PLPPR4: variants seen among roughly 807,000 people sequenced by gnomAD.
PLPPR4 encodes the protein phospholipid phosphatase related 4, also known as phospholipid phosphatase-related protein type 4.
A neutral mutation model predicts 56.6 loss-of-function variants in PLPPR4; 24 were observed. The observed-to-expected ratio is 0.42, with a 90% confidence interval of 0.31 to 0.60. The LOEUF (loss-of-function observed/expected upper bound fraction) is 0.60, where lower values mean the gene tolerates loss of function less well. Ranked by LOEUF, PLPPR4 falls within the 20% of genes least tolerant of loss-of-function variation. The pLI, the probability that PLPPR4 is intolerant of heterozygous loss-of-function variation, is 0.13. For missense variants in PLPPR4, 654 were observed against 885.8 expected, an observed-to-expected ratio of 0.74 and a Z score of 3.32; for synonymous variants, 326 against 328.1, an observed-to-expected ratio of 0.99 and a Z score of 0.07.
chr1:99,281,188 C>G (rs1659314529), intron 1 of PLPPR4, among the ~76,000 whole-genome samples: 1 of 152,106 alleles, frequency 6.6e-6, no homozygotes, highest in South Asian at 2.1e-4. Context: ...ACAAATGAAG[C>G]CCAGAAAGGT....
intron 1 of PLPPR4, among the ~76,000 whole-genome samples, 165 bp downstream of exon 1, chr1:99,264,836 G>C (rs1658850384): frequency 6.6e-6 from 1 of 152,104 alleles, no homozygotes; most frequent in South Asian, 2.1e-4. Context: ...GCAGCTCCCC[G>C]AATGTGCCTG....
At chr1:99,277,369 C>T (rs953074477) in intron 1 of PLPPR4, among the ~76,000 whole-genome samples, 2 of 152,184 alleles carry the variant, frequency 1.3e-5, no homozygotes, top group Non-Finnish European at 2.9e-5. Context: ...GTTTGCTAAA[C>T]TTTAATGTTT....
chr1:99,287,801 G>A (rs918074331), intron 1 of PLPPR4, among the ~76,000 whole-genome samples, 164 bp from the exon 2 acceptor site: 5 of 152,130 alleles, frequency 3.3e-5, no homozygotes. Context: ...TAAGGGGGGT[G>A]AATTGGAATC....
At chr1:99,291,095 C>CAA (rs200903167) in intron 2 of PLPPR4, among the ~76,000 whole-genome samples, 2 of 136,634 alleles carry the variant, frequency 1.5e-5, no homozygotes, top group Non-Finnish European at 3.2e-5. Context: ...ACAAATTTAC[C>CAA]AAAAAAAAAA....
intron 1 of PLPPR4, among the ~76,000 whole-genome samples, chr1:99,279,784 T>G (rs78739384): frequency 0.027 from 4,130 of 152,302 alleles, 149 homozygotes; most frequent in East Asian, 0.17. Context: ...GCTATTTTAC[T>G]TATCTGGGGC....
chr1:99,268,959 G>GCA (rs1658979236), intron 1 of PLPPR4, among the ~76,000 whole-genome samples: 1 of 152,110 alleles, frequency 6.6e-6, no homozygotes, highest in East Asian at 1.9e-4. Flanking sequence ...TAAGTTCTGG[G>GCA]GTACATGTGC....
In PLPPR4 at chr1:99,299,186, A is replaced by C; in HGVS notation, c.546A>C (p.Glu182Asp). Residue 182 changes from glutamate (E) to aspartate (D), a missense_variant, in exon 4 of 7, where the codon GAA becomes GAC. This residue lies in a region of PLPPR4 where 186 missense variants were observed against 331.4 expected (regional missense o/e 0.56). Coordinates refer to ENST00000370185, the MANE Select transcript of PLPPR4 (RefSeq NM_014839.5). Reference protein sequence around the residue: ...VSCKENSYIVEDICSGSDLTV... With the variant: ...VSCKENSYIVDDICSGSDLTV... ...GCAAAGAAAATTCCTACATTGTGGA[A>C]GATATTTGCTCAGGATCTGACCTCA... is the stretch of plus-strand genomic sequence containing the variant. 1 of 1,613,356 alleles carries C rather than the reference A, an allele frequency of 6.2e-7. No homozygotes were observed. The highest frequency in any genetic ancestry group is 8.5e-7 in the Non-Finnish European group (1 of 1,179,594).
In PLPPR4 at chr1:99,306,922, T is replaced by G. The variant is rs1660045399; in HGVS notation, c.2060T>G (p.Ile687Ser). ...DSTLRRKGNI[I>S]LIPERSNSPE... ...ACCCTGCGGAGAAAGGGCAATATCATTCTAATCCCTGAAAGAAGCAACAGC... is the reference window on the plus strand; with the variant it reads ...ACCCTGCGGAGAAAGGGCAATATCAGTCTAATCCCTGAAAGAAGCAACAGC... The change falls in exon 7 of 7, where the codon ATT becomes AGT. Residue 687 changes from isoleucine (I) to serine (S), a missense_variant. Ile to Ser is a moderately radical substitution (Grantham distance 142). Around this residue, in one of 2 missense-constraint regions of PLPPR4, gnomAD observed 468 missense variants for 554.3 expected, o/e 0.84. Transcript: ENST00000370185. This position sits in a 1 kb window ranked among gnomAD's most constrained non-coding sequence, Gnocchi z 4.0. 1 of 1,613,974 alleles carries G rather than the reference T, an allele frequency of 6.2e-7. No homozygotes were observed. Among genetic ancestry groups the G allele is most frequent in the Non-Finnish European group, 8.5e-7 (1 of 1,180,024 alleles).
chr1:99,302,665 TC>T (rs1659914544), intron 6 of PLPPR4, among the ~76,000 whole-genome samples: 1 of 82,226 alleles, frequency 1.2e-5, no homozygotes, highest in African/African-American at 4.9e-5. Context: ...CCCTCCCCCC[TC>T]CCCCCACCCC....
rs904832118 is a variant in PLPPR4, at chr1:99,307,900, T to C, written c.*890T>C. The C allele has an allele frequency of 1.2e-4, 18 of 152,226 alleles. 1 individual carries two copies. Among genetic ancestry groups the C allele is most frequent in the Non-Finnish European group, 4.4e-5 (3 of 68,038 alleles). 9.4% of individuals were successfully genotyped at this position (152,226 alleles called of 1,614,324 possible). The stretch of plus-strand genomic sequence containing the variant: ...CTTTCTATGGCTTCTCCTTAACTTA[T>C]TGATTAATTTTTTGAAGTTATAGAT... On this transcript the variant is annotated 3_prime_UTR_variant, in exon 7 of 7. Coordinates refer to ENST00000370185, the MANE Select transcript of PLPPR4 (RefSeq NM_014839.5).
At chr1:99,284,142 T>C (rs1367619291) in intron 1 of PLPPR4, among the ~76,000 whole-genome samples, 2 of 152,146 alleles carry the variant, frequency 1.3e-5, no homozygotes, top group Non-Finnish European at 2.9e-5. Context: ...GCATATCAAT[T>C]CTATATGTAT....
intron 1 of PLPPR4, among the ~76,000 whole-genome samples, chr1:99,265,125 A>C (rs1163572593): frequency 7.1e-6 from 1 of 141,256 alleles, no homozygotes; most frequent in Non-Finnish European, 1.5e-5. Flanking sequence ...AAATATTGTT[A>C]ATTGCTTTTA....
In PLPPR4 at chr1:99,306,856, T is replaced by C; in HGVS notation, c.1994T>C (p.Ile665Thr). Residue 665 changes from isoleucine to threonine, a missense_variant, in exon 7 of 7, where the codon ATT becomes ACT. Physicochemically the swap from Ile to Thr is moderately conservative, Grantham distance 89. This residue lies in a region of PLPPR4 where 468 missense variants were observed against 554.3 expected (regional missense o/e 0.84). Coordinates refer to ENST00000370185, the MANE Select transcript of PLPPR4 (RefSeq NM_014839.5). This position sits in a 1 kb window ranked among gnomAD's most constrained non-coding sequence, Gnocchi z 4.0. The part of the protein sequence containing the change: ...IRVTPVEGSE[I>T]GSETLSISSS... ...GTCACCCCAGTAGAGGGCAGCGAAA[T>C]TGGCTCAGAGACGCTGTCCATTTCT... is the stretch of plus-strand genomic sequence containing the variant. 6.2e-7 allele frequency: 1 copy of C among 1,614,064 alleles called. No individual in the cohort carries two copies.
At chr1:99,277,877 G>A (rs1270164809) in intron 1 of PLPPR4, among the ~76,000 whole-genome samples, 2 of 152,030 alleles carry the variant, frequency 1.3e-5, no homozygotes, top group African/African-American at 2.4e-5. Context: ...CGCTCATGTA[G>A]AAGTTTTAGT....
intron 1 of PLPPR4, among the ~76,000 whole-genome samples, chr1:99,268,479 T>A (rs1658964310): frequency 6.6e-6 from 1 of 152,224 alleles, no homozygotes; most frequent in East Asian, 1.9e-4. Flanking sequence ...CCAAGTAATC[T>A]TGTCCTTGTT....
chr1:99,278,379 G>A (rs1006852544), intron 1 of PLPPR4, among the ~76,000 whole-genome samples: 1 of 152,082 alleles, frequency 6.6e-6, no homozygotes, highest in Non-Finnish European at 1.5e-5. Context: ...TGTGAAGATT[G>A]CATGAATTCA....
intron 1 of PLPPR4, among the ~76,000 whole-genome samples, chr1:99,271,252 G>A (rs1035206838): frequency 6.6e-6 from 1 of 152,170 alleles, no homozygotes; most frequent in Non-Finnish European, 1.5e-5. Context: ...CTACCCTACT[G>A]AGAAGGCATT....
intron 2 of PLPPR4, among the ~76,000 whole-genome samples, chr1:99,296,366 C>T (rs1659740843): frequency 6.6e-6 from 1 of 152,122 alleles, no homozygotes; most frequent in African/African-American, 2.4e-5. Context: ...AAGTATAGTT[C>T]CATCATTGCA....
intron 1 of PLPPR4, among the ~76,000 whole-genome samples, chr1:99,268,796 G>A (rs186235130): frequency 7.2e-4 from 109 of 152,230 alleles, no homozygotes; most frequent in Non-Finnish European, 1.2e-3. Flanking sequence ...CAGGTAAAAA[G>A]CAATGTTCCA....
Sources: allele counts gnomAD v4.1 joint callset (sites outside exome capture counted in the v4.1 genomes callset), GRCh38; gene constraint gnomAD v4.1.1; regional missense constraint gnomAD v4.1.1; non-coding constraint Gnocchi (gnomAD v3.1); transcripts MANE v1.5; gene names NCBI Gene and HGNC (gene_info 2026-07-23, HGNC 2026-07-21).